Variants in YAF2 observed in about 807,000 individuals in gnomAD.
The protein encoded by YAF2 is YY1-associated factor 2.
Under a neutral mutation model 20.1 loss-of-function variants are expected in YAF2, and 7 were observed. That is an observed-to-expected ratio of 0.35 (90% CI 0.20 to 0.65). The LOEUF (loss-of-function observed/expected upper bound fraction) is 0.65. Among genes scored for constraint, YAF2 ranks in the 30% least tolerant of loss-of-function variants. The pLI is 0.69. For missense variants in YAF2, 151 were observed against 219.2 expected (o/e 0.69, Z 1.96); for synonymous variants, 74 against 76.0 (o/e 0.97, Z 0.14).
At chr12:42,237,127 C>G (rs1231951658) in intron 2 of YAF2, among the ~76,000 whole-genome samples, 2 of 152,176 alleles carry the variant, frequency 1.3e-5, no homozygotes, top group Non-Finnish European at 2.9e-5. Flanking sequence ...TCTGACCCTT[C>G]CAGAAGTACA....
At chr12:42,189,735 AT>A (rs573120633) in intron 2 of YAF2, among the ~76,000 whole-genome samples, 29 of 152,326 alleles carry the variant, frequency 1.9e-4, no homozygotes, top group African/African-American at 5.3e-4. Flanking sequence ...ATTAGTATTA[AT>A]TAGTATTAAT....
At chr12:42,234,146 G>C (rs2137435806) in intron 2 of YAF2, 1 of 933,184 alleles carries the variant, frequency 1.1e-6, no homozygotes, top group South Asian at 4.9e-5. Flanking sequence ...ACTCCAGCCT[G>C]GGCGACAGAG....
chr12:42,237,863 G>C (rs1329103895), intron 1 of YAF2, 139 bp from the exon 2 acceptor site: 6 of 774,512 alleles, frequency 7.7e-6, no homozygotes, highest in African/African-American at 2.0e-5. Context: ...GGCGCGCCGC[G>C]CTCCGGCTGA....
chr12:42,224,856 C>CA, intron 2 of YAF2, among the ~76,000 whole-genome samples: 1 of 152,096 alleles, frequency 6.6e-6, no homozygotes, highest in East Asian at 1.9e-4. Context: ...TGTGTCTTTA[C>CA]AGTAGAATGA....
intron 2 of YAF2, among the ~76,000 whole-genome samples, chr12:42,184,671 C>T (rs987565617): frequency 6.6e-6 from 1 of 152,086 alleles, no homozygotes; most frequent in East Asian, 1.9e-4. Flanking sequence ...TAGTGTGATT[C>T]CTTGGATGGA....
chr12:42,205,756 G>T, intron 2 of YAF2: 3 of 224,554 alleles, frequency 1.3e-5, no homozygotes, highest in Non-Finnish European at 2.8e-5. Flanking sequence ...TCTTTTTTTA[G>T]TTTTTTAAAT....
chr12:42,210,138 T>C (rs1341427071), intron 2 of YAF2, among the ~76,000 whole-genome samples: 1 of 152,136 alleles, frequency 6.6e-6, no homozygotes, highest in African/African-American at 2.4e-5. Context: ...ATTACGTAAA[T>C]AAGATACTTT....
chr12:42,227,932 G>T (rs1339338699), intron 2 of YAF2, among the ~76,000 whole-genome samples: 1 of 140,862 alleles, frequency 7.1e-6, no homozygotes, highest in Non-Finnish European at 1.5e-5. Context: ...GAAGTGAGGA[G>T]CCCCTCAGCC....
intron 2 of YAF2, among the ~76,000 whole-genome samples, chr12:42,220,507 T>A (rs1377864320): frequency 3.9e-5 from 6 of 152,170 alleles, no homozygotes; most frequent in African/African-American, 1.4e-4. Context: ...GAAATAAATA[T>A]TAGTGAAGAG....
At chr12:42,211,157 T>C (rs899407361) in intron 2 of YAF2, among the ~76,000 whole-genome samples, 8 of 152,136 alleles carry the variant, frequency 5.3e-5, no homozygotes, top group Non-Finnish European at 1.0e-4. Flanking sequence ...CCAGGCGTGG[T>C]GGCTCACGCC....
intron 2 of YAF2, chr12:42,234,063 A>G: frequency 1.6e-6 from 1 of 635,994 alleles, no homozygotes; most frequent in Non-Finnish European, 2.0e-6. Context: ...CCCAGCTACC[A>G]CAGAGGCTGA....
intron 2 of YAF2, among the ~76,000 whole-genome samples, chr12:42,230,791 C>T (rs2067962961): frequency 6.6e-6 from 1 of 151,842 alleles, no homozygotes; most frequent in African/African-American, 2.4e-5. Context: ...TTTGGGGAGG[C>T]AGAAATGGGT....
chr12:42,161,024 T>C, intron 3 of YAF2, 198 bp from the exon 4 acceptor site: 1 of 531,520 alleles, frequency 1.9e-6, no homozygotes, highest in Non-Finnish European at 3.3e-6. Flanking sequence ...TGAACATTCT[T>C]CAATGCAACC....
chr12:42,199,171 A>G (rs1178667796), intron 2 of YAF2: 4 of 1,289,148 alleles, frequency 3.1e-6, no homozygotes, highest in Non-Finnish European at 4.0e-6. Context: ...CCAAATTTCT[A>G]GGCAGAGGCT....
At chr12:42,162,763 C>T (rs1347907330) in intron 2 of YAF2, among the ~76,000 whole-genome samples, 1 of 151,898 alleles carries the variant, frequency 6.6e-6, no homozygotes, top group Non-Finnish European at 1.5e-5. Flanking sequence ...AGCTGCATGG[C>T]TGAGAGAAAA....
chr12:42,178,350 T>G (rs946558506), intron 2 of YAF2, among the ~76,000 whole-genome samples: 1 of 152,100 alleles, frequency 6.6e-6, no homozygotes, highest in Non-Finnish European at 1.5e-5. Flanking sequence ...ATTTTTCAAA[T>G]CTCCTGGGCT....
chr12:42,216,654 T>G (rs1184674510), intron 2 of YAF2, among the ~76,000 whole-genome samples: 1 of 152,164 alleles, frequency 6.6e-6, no homozygotes, highest in Non-Finnish European at 1.5e-5. Flanking sequence ...TCAACTCAAA[T>G]CATGTGTACA....
chr12:42,211,932 C>T (rs909126532), intron 2 of YAF2, among the ~76,000 whole-genome samples: 4 of 151,700 alleles, frequency 2.6e-5, no homozygotes, highest in Non-Finnish European at 5.9e-5. Flanking sequence ...GCCTATAATC[C>T]CAGCTACTCA....
chr12:42,209,555 C>T (rs1224150768), intron 2 of YAF2, among the ~76,000 whole-genome samples: 4 of 95,224 alleles, frequency 4.2e-5, no homozygotes, highest in African/African-American at 1.7e-4. Context: ...TAGAGCCAGA[C>T]TTTGTCTCAA....
Sources: gnomAD v4.1 joint callset for allele counts (sites outside exome capture counted in the v4.1 genomes callset) on GRCh38, gnomAD v4.1.1 for gene constraint, MANE v1.5 for transcripts, NCBI Gene and HGNC (gene_info 2026-07-23, HGNC 2026-07-21) for gene names.